The following MAGI1 variants were observed in gnomAD, a reference collection of about 807,000 sequenced individuals.
The protein encoded by MAGI1 is membrane associated guanylate kinase, WW and PDZ domain containing 1.
MAGI1 carries 58 observed loss-of-function variants against 139.9 expected under a neutral mutation model. The ratio of observed to expected loss-of-function variants is 0.41; its 90% CI spans 0.34 to 0.52. The LOEUF (loss-of-function observed/expected upper bound fraction) is 0.52. MAGI1 is among the 20% of genes least tolerant of loss of function. The probability of loss-of-function intolerance (pLI) is 0.12; values close to 1 mark genes in which losing one functional copy is unlikely to be tolerated. For synonymous variants in MAGI1, 812 were observed against 737.9 expected (o/e 1.10, Z -1.63); for missense variants, 1,874 against 1,901.6 (o/e 0.99, Z 0.27).
chr3:65,811,977 C>G (rs1428278967), intron 1 of MAGI1, among the ~76,000 whole-genome samples: 2 of 151,726 alleles, frequency 1.3e-5, no homozygotes, highest in Non-Finnish European at 1.5e-5. Context: ...AGAGCGTGCA[C>G]TCGCAGCTAT....
chr3:65,509,468 C>G (rs1225511366), intron 2 of MAGI1, among the ~76,000 whole-genome samples: 1 of 152,206 alleles, frequency 6.6e-6, no homozygotes, highest in Admixed American at 6.5e-5. Flanking sequence ...CAAGCCGAAG[C>G]AGGGTGAGGC....
intron 2 of MAGI1, among the ~76,000 whole-genome samples, chr3:65,514,414 C>A (rs1255969900): frequency 9.8e-5 from 12 of 122,620 alleles, no homozygotes; most frequent in Admixed American, 1.8e-4. Flanking sequence ...ACTCATCTGA[C>A]AAAGGGCTAA....
At chr3:65,667,358 C>A (rs538511390) in intron 1 of MAGI1, among the ~76,000 whole-genome samples, 1 of 152,076 alleles carries the variant, frequency 6.6e-6, no homozygotes, top group Non-Finnish European at 1.5e-5. Flanking sequence ...CAGAATTCCA[C>A]GGTGGCCGAT....
At chr3:65,722,435 A>G (rs754397917) in intron 1 of MAGI1, among the ~76,000 whole-genome samples, 2 of 151,706 alleles carry the variant, frequency 1.3e-5, no homozygotes, top group Non-Finnish European at 2.9e-5. Context: ...GGAGTCCGAG[A>G]TCAGCCTTGG....
intron 2 of MAGI1, among the ~76,000 whole-genome samples, chr3:65,524,937 A>G (rs1426692141): frequency 2.0e-5 from 3 of 152,146 alleles, no homozygotes; most frequent in Non-Finnish European, 4.4e-5. Flanking sequence ...CCTTTAGATC[A>G]AATACTCAAG....
At chr3:65,977,098 C>A in intron 1 of MAGI1, among the ~76,000 whole-genome samples, 1 of 152,160 alleles carries the variant, frequency 6.6e-6, no homozygotes, top group East Asian at 1.9e-4. Flanking sequence ...ATGCTCAATA[C>A]CTACTTATAA....
chr3:65,504,224 C>A (rs1170744533), intron 2 of MAGI1, among the ~76,000 whole-genome samples: 34 of 152,180 alleles, frequency 2.2e-4, no homozygotes, highest in Admixed American at 2.2e-3. Flanking sequence ...GTAACTACTG[C>A]TCTGACTATA....
Position 65,762,466 on chromosome 3 carries a change from A to AC in MAGI1, c.314-140379dup, listed in dbSNP as rs1285126069. On this transcript the variant is annotated intron_variant, in intron 1 of 22. Coordinates refer to ENST00000402939, the MANE Select transcript of MAGI1 (RefSeq NM_001033057.2). The stretch of plus-strand genomic sequence containing the variant: ...AAGAATGGGAAGGCGGAAAAAAAAA[A>AC]CAGGAAGAAAAAACACACAGATCTC... Among the ~76,000 whole-genome samples, 19 of 152,190 alleles carry AC rather than the reference A, an allele frequency of 1.2e-4. No homozygotes were observed. The East Asian group carries it at 3.3e-3, about 26-fold the overall frequency.
At chr3:65,880,723 AAGAAACACTTTTAAGTTTTATTCACTT>A (rs2060291579) in intron 1 of MAGI1, among the ~76,000 whole-genome samples, 1 of 152,092 alleles carries the variant, frequency 6.6e-6, no homozygotes, top group Admixed American at 6.5e-5. Flanking sequence ...AAAGGCAGGG[AAGAAACACTTTTAAGTTTTATTCACTT>A]AGTTCCACTG....
At chr3:65,582,353 C>T (rs767360303) in intron 2 of MAGI1, among the ~76,000 whole-genome samples, 39 of 152,152 alleles carry the variant, frequency 2.6e-4, no homozygotes, top group Non-Finnish European at 4.9e-4. Context: ...GGGAGAGGCT[C>T]GGCCCTGGTT....
intron 1 of MAGI1, among the ~76,000 whole-genome samples, chr3:65,732,114 A>G (rs560827922): frequency 3.3e-5 from 5 of 152,326 alleles, no homozygotes; most frequent in Admixed American, 3.3e-4. Flanking sequence ...TTCAGAAATA[A>G]AACGAATTCA....
chr3:65,762,085 T>C (rs1289765604), intron 1 of MAGI1, among the ~76,000 whole-genome samples: 1 of 152,038 alleles, frequency 6.6e-6, no homozygotes, highest in Non-Finnish European at 1.5e-5. Flanking sequence ...TTCTTTATGG[T>C]AACTCACTAT....
intron 2 of MAGI1, among the ~76,000 whole-genome samples, chr3:65,496,490 G>C (rs543814523): frequency 1.2e-4 from 18 of 152,282 alleles, no homozygotes; most frequent in African/African-American, 4.3e-4. Flanking sequence ...GACTAGAATA[G>C]GACAGAAGTG....
In MAGI1 at chr3:65,790,893, G is replaced by A. The variant is rs139799775; in HGVS notation, c.314-168805C>T. ...AGTTCAAGACCAGCCTGGCCAACAT[G>A]GTAAAATCCCATTTCTACTAAAAAT... On this transcript the variant is annotated intron_variant, in intron 1 of 22. Coordinates refer to ENST00000402939, the MANE Select transcript of MAGI1 (RefSeq NM_001033057.2). Among the ~76,000 whole-genome samples, 64 of 152,134 alleles carry A rather than the reference G, an allele frequency of 4.2e-4. No individual in the cohort carries two copies. The East Asian group carries it at 0.012, about 29-fold the overall frequency.
intron 6 of MAGI1, among the ~76,000 whole-genome samples, chr3:65,450,161 G>C (rs2107481139): frequency 6.6e-6 from 1 of 152,322 alleles, no homozygotes; most frequent in South Asian, 2.1e-4. Context: ...CAGAGAAATA[G>C]TGTGAGAAAA....
At chr3:65,794,303 T>G (rs906323457) in intron 1 of MAGI1, among the ~76,000 whole-genome samples, 1 of 152,186 alleles carries the variant, frequency 6.6e-6, no homozygotes, top group Admixed American at 6.5e-5. Context: ...GACTGAGACC[T>G]AGAATACATA....
chr3:65,588,472 G>GT (rs1162472887), intron 2 of MAGI1, among the ~76,000 whole-genome samples: 1 of 152,172 alleles, frequency 6.6e-6, no homozygotes, highest in East Asian at 1.9e-4. Flanking sequence ...AAAACAATGA[G>GT]TGACTATGCC....
intron 1 of MAGI1, among the ~76,000 whole-genome samples, chr3:65,961,982 T>G (rs920443665): frequency 2.0e-5 from 3 of 152,194 alleles, no homozygotes; most frequent in Admixed American, 6.5e-5. Flanking sequence ...ATTTCCAAAT[T>G]GGGACAGCTT....
chr3:65,912,219 A>T (rs2108678859), intron 1 of MAGI1, among the ~76,000 whole-genome samples: 1 of 149,704 alleles, frequency 6.7e-6, no homozygotes, highest in African/African-American at 2.5e-5. Flanking sequence ...AATGGAAAAC[A>T]AAGAAAACTC....
Sources: allele counts gnomAD v4.1 joint callset (sites outside exome capture counted in the v4.1 genomes callset), GRCh38; gene constraint gnomAD v4.1.1; transcripts MANE v1.5; gene names NCBI Gene and HGNC (gene_info 2026-07-23, HGNC 2026-07-21).